The following COL4A4 variants were observed in gnomAD, a reference collection of about 807,000 sequenced individuals.
COL4A4 encodes collagen alpha-4(IV) chain.
Under a neutral mutation model 192.9 loss-of-function variants are expected in COL4A4, and 105 were observed. That is an observed-to-expected ratio of 0.54 (90% CI 0.46 to 0.64). The LOEUF is 0.64. Ranked by LOEUF, COL4A4 falls within the 30% of genes least tolerant of loss-of-function variation. The pLI, the probability that COL4A4 is intolerant of heterozygous loss-of-function variation, is 0.00. For synonymous variants in COL4A4, 762 were observed against 769.9 expected (o/e 0.99, Z 0.17); for missense variants, 1,967 against 2,169.3 (o/e 0.91, Z 1.85).
At chr2:227,050,723 G>A (rs781443606) in intron 33 of COL4A4, among the ~76,000 whole-genome samples, 2 of 152,174 alleles carry the variant, frequency 1.3e-5, no homozygotes, top group Non-Finnish European at 2.9e-5. Flanking sequence ...GTCTTCATGG[G>A]TGGTTTAAAC....
At chr2:227,122,197 C>G (rs1466579406) in intron 4 of COL4A4, among the ~76,000 whole-genome samples, 2 of 152,172 alleles carry the variant, frequency 1.3e-5, no homozygotes, top group African/African-American at 4.8e-5. Context: ...CTGGCCAAGG[C>G]CAGCAGCACC....
At chr2:226,996,719 G>C in the COL4A4 span, 1 of 152,204 alleles carries the variant, frequency 6.6e-6, no homozygotes, top group East Asian at 1.9e-4. Context: ...TTTGGGAGTG[G>C]AGTACATGGG....
chr2:226,980,621 T>C, the COL4A4 span, among the ~76,000 whole-genome samples: 5 of 152,154 alleles, frequency 3.3e-5, no homozygotes, highest in African/African-American at 9.7e-5. Context: ...CTTAATTAAA[T>C]CTGTAGGGTT....
At chr2:227,094,399 GAA>G in intron 19 of COL4A4, 110 bp from the exon 20 acceptor site, 2 of 1,077,106 alleles carry the variant, frequency 1.9e-6, no homozygotes, top group African/African-American at 3.2e-5. Context: ...TTTTTAAAGG[GAA>G]AGAGACGGAG....
Position 227,108,610 on chromosome 2 carries a change from C to T in COL4A4, c.706G>A (p.Val236Met), listed in dbSNP as rs762358388. The T allele has an allele frequency of 1.9e-6, 3 of 1,614,094 alleles. No individual in the cohort carries two copies. Among genetic ancestry groups the T allele is most frequent in the East Asian group, 4.5e-5 (2 of 44,882 alleles). Residue 236 changes from valine (V) to methionine (M), a missense_variant, in exon 12 of 48, where the codon GTG (valine) becomes ATG (methionine). Physicochemically the swap from Val to Met is conservative, Grantham distance 21. Transcript: ENST00000396625. ...TCTCCCATTTGCCCCTTTACTCCCA[C>T]ACCGGGATTTCCCTGAGAAAGAAAT... ...GRPGLKGNPG[V>M]GVKGQMGDPG...
intron 25 of COL4A4, 105 bp from the exon 26 acceptor site, chr2:227,062,703 G>T: frequency 1.2e-6 from 1 of 800,024 alleles, no homozygotes; most frequent in Non-Finnish European, 2.2e-6. Context: ...TATAGTATAT[G>T]CAGAAGTCAA....
At chr2:227,102,410 T>C (rs1008807207) in intron 15 of COL4A4, among the ~76,000 whole-genome samples, 4 of 152,214 alleles carry the variant, frequency 2.6e-5, no homozygotes, top group African/African-American at 9.6e-5. Context: ...ATTAGTGACA[T>C]GTGGTGATGT....
intron 45 of COL4A4, 146 bp from the exon 46 acceptor site, chr2:227,010,647 C>T: frequency 1.7e-6 from 1 of 577,022 alleles, no homozygotes; most frequent in South Asian, 2.9e-5. Context: ...CTGGAACGTA[C>T]ACAGCTACAC....
At chr2:227,041,826 A>AAG (rs1453734408) in intron 37 of COL4A4, among the ~76,000 whole-genome samples, 71 of 38,148 alleles carry the variant, frequency 1.9e-3, no homozygotes, top group Admixed American at 3.5e-3. Flanking sequence ...GAAAGAAAGA[A>AAG]AGAAAGAAAG....
At chr2:227,152,994 G>A (rs2064063538) in intron 1 of COL4A4, among the ~76,000 whole-genome samples, 1 of 152,214 alleles carries the variant, frequency 6.6e-6, no homozygotes, top group South Asian at 2.1e-4. Flanking sequence ...GTTCCACATG[G>A]CTAGGGAGGC....
At chr2:227,114,596 A>T (rs1559660085) in intron 8 of COL4A4, 32 bp downstream of exon 8, 3 of 1,591,310 alleles carry the variant, frequency 1.9e-6, no homozygotes, top group Non-Finnish European at 2.6e-6. Context: ...GGAAGAAAAA[A>T]TTTTTTAACC....
At chr2:227,042,031 C>T (rs7589784) in intron 37 of COL4A4, 117 bp downstream of exon 37, 91 of 773,820 alleles carry the variant, frequency 1.2e-4, no homozygotes, top group Admixed American at 2.8e-4. Context: ...ATGGCACCTA[C>T]GGAAAAGAGT....
At position 227,074,926 on chromosome 2, in the gene COL4A4, C is replaced by T. The variant is rs537994566; in HGVS notation, c.1987+2968G>A. On this transcript the variant is annotated intron_variant, in intron 25 of 47. Coordinates refer to ENST00000396625, the MANE Select transcript of COL4A4 (RefSeq NM_000092.5). Reference sequence around the variant, plus strand: ...AAGGGAGGATGCCCCAAGACTAAACCAGGAAGAATTCAAATCTGGTTTATT... The same window carrying T: ...AAGGGAGGATGCCCCAAGACTAAACTAGGAAGAATTCAAATCTGGTTTATT... Among the ~76,000 whole-genome samples the T allele has an allele frequency of 2.6e-5, 4 of 152,054 alleles. No homozygotes were observed. In the South Asian group the frequency reaches 8.3e-4, roughly 32 times the overall value.
At chr2:227,018,790 C>T (rs1450966973) in intron 44 of COL4A4, among the ~76,000 whole-genome samples, 2 of 152,154 alleles carry the variant, frequency 1.3e-5, no homozygotes, top group African/African-American at 4.8e-5. Flanking sequence ...GAAGGCCCTC[C>T]TGTGGCCACG....
intron 25 of COL4A4, among the ~76,000 whole-genome samples, chr2:227,071,694 G>A (rs1242343638): frequency 6.6e-6 from 1 of 152,024 alleles, no homozygotes; most frequent in Non-Finnish European, 1.5e-5. Context: ...ATTGTATCAA[G>A]TATCTTCTCA....
chr2:227,017,845 T>C (rs1965235076), intron 44 of COL4A4, among the ~76,000 whole-genome samples: 1 of 152,204 alleles, frequency 6.6e-6, no homozygotes, highest in African/African-American at 2.4e-5. Flanking sequence ...TGAAGTTTGT[T>C]ACATAGGTAA....
At chr2:227,157,466 G>A (rs1211018075) in intron 1 of COL4A4, among the ~76,000 whole-genome samples, 1 of 151,932 alleles carries the variant, frequency 6.6e-6, no homozygotes, top group Non-Finnish European at 1.5e-5. Flanking sequence ...CAAGGAGAAA[G>A]CATTCAAACA....
chr2:227,009,613 G>A (rs1031015788), intron 46 of COL4A4, among the ~76,000 whole-genome samples: 9 of 151,816 alleles, frequency 5.9e-5, no homozygotes, highest in African/African-American at 9.7e-5. Context: ...CAGGAGAATC[G>A]CTCGAACCCT....
At position 227,007,081 on chromosome 2, in the gene COL4A4, G is replaced by C. The variant is rs56196639; in HGVS notation, c.*244C>G. The stretch of plus-strand genomic sequence containing the variant: ...TATTTTTAAGTAAAGCCAGTTCTTC[G>C]ATCATCCTCAGTAAAATAAGAGTAT... On this transcript the variant is annotated 3_prime_UTR_variant, in exon 48 of 48. Transcript: ENST00000396625. The C allele has an allele frequency of 1.3e-5, 8 of 598,538 alleles. No homozygotes were observed. The highest frequency in any genetic ancestry group is 2.1e-5 in the Non-Finnish European group (7 of 333,060). 37.1% of individuals were successfully genotyped at this position (598,538 alleles called of 1,614,324 possible). A position where few individuals can be genotyped will look rare whatever the true frequency, so the allele number is the denominator to read the frequency against.
Sources: gnomAD v4.1 joint callset for allele counts (sites outside exome capture counted in the v4.1 genomes callset) on GRCh38, gnomAD v4.1.1 for gene constraint, MANE v1.5 for transcripts, NCBI Gene and HGNC (gene_info 2026-07-23, HGNC 2026-07-21) for gene names.